Variants in CLSPN observed in about 807,000 individuals in gnomAD.
CLSPN encodes the protein claspin homolog.
CLSPN carries 85 observed loss-of-function variants against 156.3 expected under a neutral mutation model. The ratio of observed to expected loss-of-function variants is 0.54; its 90% CI spans 0.46 to 0.65. The LOEUF (loss-of-function observed/expected upper bound fraction) is 0.65, where lower values mean the gene tolerates loss of function less well. Among genes scored for constraint, CLSPN ranks in the 30% least tolerant of loss-of-function variants. The pLI, the probability that CLSPN is intolerant of heterozygous loss-of-function variation, is 0.00. For missense variants in CLSPN, 1,407 were observed against 1,554.9 expected, an observed-to-expected ratio of 0.90 and a Z score of 1.60; for synonymous variants, 534 against 542.4, an observed-to-expected ratio of 0.98 and a Z score of 0.22.
At position 35,764,616 on chromosome 1, in the gene CLSPN, T is replaced by C. The variant is rs1642606282; in HGVS notation, c.232A>G (p.Lys78Glu). The change falls in exon 3 of 25, where the codon AAA becomes GAA. Residue 78 changes from lysine to glutamate, a missense_variant. Transcript: ENST00000318121. ...ETEDTNASPEKTTYDSAEEEN... is the reference protein window; with the variant it reads ...ETEDTNASPEETTYDSAEEEN... ...TCCTCGGCACTGTCATAGGTAGTTT[T>C]CTCTGGAGAGGCATTTGTGTCCTCT... 5 of 1,613,626 alleles carry C rather than the reference T, an allele frequency of 3.1e-6. No individual in the cohort carries two copies. Among genetic ancestry groups the C allele is most frequent in the Non-Finnish European group, 4.2e-6 (5 of 1,179,932 alleles).
intron 12 of CLSPN, 124 bp downstream of exon 12, chr1:35,749,343 G>T: frequency 1.2e-6 from 1 of 863,382 alleles, no homozygotes; most frequent in African/African-American, 1.7e-5. Context: ...CCTTTTCATA[G>T]CTACATATGA....
At position 35,738,579 on chromosome 1, in the gene CLSPN, T is replaced by C. The variant is rs933894322; in HGVS notation, c.3434A>G (p.Asp1145Gly). The C allele has an allele frequency of 6.2e-7, 1 of 1,613,926 alleles. No homozygotes were observed. Among genetic ancestry groups the C allele is most frequent in the Non-Finnish European group, 8.5e-7 (1 of 1,179,904 alleles). Reference sequence around the variant, plus strand: ...GTGGAACAAGTCCATCTGGGAAGCATCATCTAAACAAAGAGTGAAGGTAAT... The same window carrying C: ...GTGGAACAAGTCCATCTGGGAAGCACCATCTAAACAAAGAGTGAAGGTAAT... ...MRKFRWKNID[D>G]ASQMDLFHRD... Residue 1145 changes from aspartate (D) to glycine (G), a missense_variant, in exon 21 of 25, where the codon GAT becomes GGT. Asp to Gly is a moderately conservative substitution (Grantham distance 94, BLOSUM62 -1). Coordinates refer to ENST00000318121, the MANE Select transcript of CLSPN (RefSeq NM_022111.4).
chr1:35,738,114 ATATATATATAT>A lies in CLSPN; in HGVS notation c.3559-28_3559-18del, dbSNP rs1641543939. 4.1e-5 allele frequency: 17 copies of A among 419,702 alleles called. No individual in the cohort carries two copies. Among genetic ancestry groups the A allele is most frequent in the East Asian group, 1.7e-4 (2 of 11,944 alleles). The allele number at this position is 419,702 out of a possible 1,614,324, so 26.0% of individuals were successfully genotyped here. A position where few individuals can be genotyped will look rare whatever the true frequency, so the allele number is the denominator to read the frequency against. ...CTGCTGTGCCTGAAAAAAAAAAAAAATATATATATATATATATATATATATACAGCATTAAA... is the reference window on the plus strand; with the variant it reads ...CTGCTGTGCCTGAAAAAAAAAAAAAAATATATATATATATACAGCATTAAA... On this transcript the variant is annotated intron_variant, in intron 21 of 24. Coordinates refer to ENST00000318121, the MANE Select transcript of CLSPN (RefSeq NM_022111.4).
In CLSPN at chr1:35,737,088, G is replaced by GAGTC; in HGVS notation, c.3748-17_3748-14dup. On this transcript the variant is annotated splice_polypyrimidine_tract_variant and intron_variant, in intron 23 of 24. Transcript: ENST00000318121. ...AGCCTGTCTTCACCTGAGGAAAGAAGAGTCATCTGGTATCAAATCCCAAGT... is the reference window on the plus strand; with the variant it reads ...AGCCTGTCTTCACCTGAGGAAAGAAGAGTCAGTCATCTGGTATCAAATCCCAAGT... 1 of 1,609,824 alleles carries GAGTC rather than the reference G, an allele frequency of 6.2e-7. No homozygotes were observed. The highest frequency in any genetic ancestry group is 1.1e-5 in the South Asian group (1 of 90,216).
intron 15 of CLSPN, 37 bp from the exon 16 acceptor site, chr1:35,745,599 A>G: frequency 7.2e-7 from 1 of 1,385,956 alleles, no homozygotes; most frequent in South Asian, 1.2e-5. Context: ...TCACCAAGGA[A>G]TGATAGCTTT....
In CLSPN at chr1:35,746,766, CCT is replaced by C. The variant is rs1185594521; in HGVS notation, c.2852_2853del (p.Gln951ArgfsTer12). ...LNLCSGKFTS[Q>X]DASTPASSEL... ...TTGATACTCTCGGTTGGATATTTAC[CCT>C]GAGAAGTGAATTTTCCTGAACAAAG... is the stretch of plus-strand genomic sequence containing the variant. On this transcript the variant is annotated frameshift_variant and splice_region_variant, in exon 15 of 25. Coordinates refer to ENST00000318121, the MANE Select transcript of CLSPN (RefSeq NM_022111.4). LOFTEE classifies it high-confidence loss of function. The surrounding 1 kb of genome is among the most constrained non-coding windows in gnomAD (Gnocchi z 4.2). 1.3e-6 allele frequency: 2 copies of C among 1,595,110 alleles called. No homozygotes were observed. The highest frequency in any genetic ancestry group is 3.3e-5 in the Admixed American group (2 of 59,960).
At chr1:35,753,597 T>C in intron 9 of CLSPN, 148 bp downstream of exon 9, 1 of 695,716 alleles carries the variant, frequency 1.4e-6, no homozygotes, top group Admixed American at 3.0e-5. Context: ...CTAGGTGTGC[T>C]ACACGTGAAT....
chr1:35,763,776 AG>A (rs1446491845), intron 3 of CLSPN, among the ~76,000 whole-genome samples: 2 of 150,344 alleles, frequency 1.3e-5, no homozygotes, highest in African/African-American at 4.9e-5. Flanking sequence ...AAGACCAATA[AG>A]TTTTGTTTTT....
chr1:35,738,901 C>G (rs911147332), intron 20 of CLSPN, among the ~76,000 whole-genome samples: 1 of 151,278 alleles, frequency 6.6e-6, no homozygotes, highest in Non-Finnish European at 1.5e-5. Flanking sequence ...CCCGGGTTCA[C>G]GCAATTCTCC....
chr1:35,760,946 A>G, intron 7 of CLSPN, 30 bp from the exon 8 acceptor site: 1 of 1,527,428 alleles, frequency 6.5e-7, no homozygotes, highest in Non-Finnish European at 9.0e-7. Context: ...CTGGAGTTGA[A>G]AATTATCCTA....
At chr1:35,755,266 ATT>A (rs1247342098) in intron 8 of CLSPN, among the ~76,000 whole-genome samples, 15 of 137,544 alleles carry the variant, frequency 1.1e-4, no homozygotes, top group Non-Finnish European at 6.3e-5. Context: ...TATCCAGCTA[ATT>A]TTTTTTTTTT....
At position 35,734,020 on chromosome 1, in the gene CLSPN, C is replaced by A; in HGVS notation, c.*2476G>T. 1.3e-5 allele frequency: 13 copies of A among 985,348 alleles called. No individual in the cohort carries two copies. The highest frequency in any genetic ancestry group is 1.6e-5 in the Non-Finnish European group (13 of 829,900). The allele number at this position is 985,348 out of a possible 1,614,324, so 61.0% of individuals were successfully genotyped here. On this transcript the variant is annotated 3_prime_UTR_variant, in exon 25 of 25. Transcript: ENST00000318121. ...AAACAAAGAGCTATAATAGAAGGTA[C>A]CATTTATGTAAACTCAATTATCCTC...
At chr1:35,731,545 G>A (rs1211473855), downstream of CLSPN, among the ~76,000 whole-genome samples, 5 of 152,194 alleles carry the variant, frequency 3.3e-5, no homozygotes, top group African/African-American at 7.2e-5. Context: ...GCCTCTGGCT[G>A]CTGTGCAGAT....
chr1:35,748,415 G>A lies in CLSPN; in HGVS notation c.2462C>T (p.Ser821Leu). ...PGLFRASLVS[S>L]ASKSSGKLSE... ...CCATTACCATCTTACCTTAGAAGCT[G>A]AGCTGACCAAACTGGCTCGAAATAG... The change falls in exon 13 of 25, where the codon TCA (serine) becomes TTA (leucine). Residue 821 changes from serine (S) to leucine (L), a missense_variant. Around this residue, in one of 3 missense-constraint regions of CLSPN, gnomAD observed 1,096 missense variants for 1,193.0 expected, o/e 0.92. Coordinates refer to ENST00000318121, the MANE Select transcript of CLSPN (RefSeq NM_022111.4). The A allele has an allele frequency of 2.5e-6, 4 of 1,613,912 alleles. No individual in the cohort carries two copies. Among genetic ancestry groups the A allele is most frequent in the Non-Finnish European group, 8.5e-7 (1 of 1,179,854 alleles).
Position 35,764,550 on chromosome 1 carries a change from T to C in CLSPN, c.298A>G (p.Ile100Val), listed in dbSNP as rs1054707568. The C allele has an allele frequency of 5.6e-6, 9 of 1,613,802 alleles. No individual in the cohort carries two copies. In the Admixed American group the frequency reaches 1.0e-4, roughly 18 times the overall value. ...ENLYAGKNTK[I>V]KRIYKTVADS... Reference sequence around the variant, plus strand: ...GCCACAGTTTTGTAAATCCTTTTGATTTTTGTATTTTTCCCAGCATATAAA... The same window carrying C: ...GCCACAGTTTTGTAAATCCTTTTGACTTTTGTATTTTTCCCAGCATATAAA... Residue 100 changes from isoleucine to valine, a missense_variant, in exon 3 of 25, where the codon ATC becomes GTC. By Grantham distance (29) the Ile-to-Val change is conservative. Coordinates refer to ENST00000318121, the MANE Select transcript of CLSPN (RefSeq NM_022111.4).
At position 35,743,194 on chromosome 1, in the gene CLSPN, T is replaced by C. The variant is rs1190657011; in HGVS notation, c.3090A>G (p.Glu1030=). The C allele has an allele frequency of 4.3e-6, 7 of 1,614,174 alleles. No individual in the cohort carries two copies. The highest frequency in any genetic ancestry group is 5.9e-6 in the Non-Finnish European group (7 of 1,179,994). ...SGNDLALEDH[E]DDDEEELLKR... Reference sequence around the variant, plus strand: ...TCAGGAGTTCTTCTTCATCATCATCTTCATGGTCTTCCAGTGCCAGATCAT... The same window carrying C: ...TCAGGAGTTCTTCTTCATCATCATCCTCATGGTCTTCCAGTGCCAGATCAT... Residue 1030 remains glutamate (E), a synonymous_variant, in exon 18 of 25, where the codon GAA becomes GAG. Transcript: ENST00000318121.
chr1:35,769,580 G>A (rs1642794458), intron 1 of CLSPN, among the ~76,000 whole-genome samples: 1 of 152,218 alleles, frequency 6.6e-6, no homozygotes, highest in African/African-American at 2.4e-5. Context: ...CTGAAGAGGG[G>A]CTGGGCTGCC....
downstream of CLSPN, among the ~76,000 whole-genome samples, chr1:35,727,818 A>G (rs752801632): frequency 5.8e-4 from 88 of 152,346 alleles, no homozygotes; most frequent in Non-Finnish European, 6.3e-4. Flanking sequence ...GTTATTAAGT[A>G]GCTTTCACAG....
intron 24 of CLSPN, among the ~76,000 whole-genome samples, chr1:35,725,269 CAGGTCTTTTCGG>C (rs932374998): frequency 1.3e-5 from 2 of 152,080 alleles, no homozygotes; most frequent in Non-Finnish European, 2.9e-5. Context: ...AAGGGAGAAA[CAGGTCTTTTCGG>C]AGCTGCTGGA....
Sources: allele counts gnomAD v4.1 joint callset (sites outside exome capture counted in the v4.1 genomes callset), GRCh38; gene constraint gnomAD v4.1.1; regional missense constraint gnomAD v4.1.1; non-coding constraint Gnocchi (gnomAD v3.1); transcripts MANE v1.5; gene names NCBI Gene and HGNC (gene_info 2026-07-23, HGNC 2026-07-21).